MICAL2: variants seen among roughly 807,000 people sequenced by gnomAD.
MICAL2 encodes the protein [F-actin]-monooxygenase MICAL2.
MICAL2 carries 77 observed loss-of-function variants against 127.3 expected under a neutral mutation model. That is an observed-to-expected ratio of 0.60 (90% CI 0.50 to 0.73). The LOEUF (loss-of-function observed/expected upper bound fraction) is 0.73. Ranked by LOEUF, MICAL2 falls within the 30% of genes least tolerant of loss-of-function variation. The pLI is 0.00. For missense variants in MICAL2, 1,351 were observed against 1,434.4 expected, an observed-to-expected ratio of 0.94 and a Z score of 0.94; for synonymous variants, 570 against 551.1, an observed-to-expected ratio of 1.03 and a Z score of -0.48.
At chr11:12,198,129 A>G (rs948407675) in intron 3 of MICAL2, among the ~76,000 whole-genome samples, 2 of 151,930 alleles carry the variant, frequency 1.3e-5, no homozygotes, top group African/African-American at 4.8e-5. Context: ...CACAGCTAGA[A>G]CCTCAGGTGA....
chr11:12,289,553 CTTGTTTTTTTTTGT>C (rs1316116272), downstream of MICAL2, among the ~76,000 whole-genome samples: 1 of 42,078 alleles, frequency 2.4e-5, no homozygotes, highest in Non-Finnish European at 8.0e-5. Flanking sequence ...CTGGGCACCT[CTTGTTTTTTTTTGT>C]TTTTTTTTTT....
intron 1 of MICAL2, among the ~76,000 whole-genome samples, chr11:12,118,974 T>C (rs1850278227): frequency 6.6e-6 from 1 of 152,224 alleles, no homozygotes; most frequent in Non-Finnish European, 1.5e-5. Context: ...GGTGGGTTCC[T>C]GAGCTTTTCT....
chr11:12,260,293 C>A, intron 26 of MICAL2: 1 of 1,426,158 alleles, frequency 7.0e-7, no homozygotes, highest in East Asian at 2.5e-5. Context: ...TAGCTCAAAG[C>A]CAAAGAATTT....
At chr11:12,130,623 G>A (rs1010670049) in intron 1 of MICAL2, among the ~76,000 whole-genome samples, 2 of 152,302 alleles carry the variant, frequency 1.3e-5, no homozygotes, top group South Asian at 4.1e-4. Context: ...GGAATACAAA[G>A]TCCAGCAAGA....
At chr11:12,163,599 C>T (rs932907673) in intron 3 of MICAL2, 3 of 152,288 alleles carry the variant, frequency 2.0e-5, no homozygotes, top group Non-Finnish European at 4.4e-5. Context: ...TTGAAACAGA[C>T]CAGTCGCCTC....
intron 32 of MICAL2, chr11:12,349,768 G>T: frequency 6.9e-7 from 1 of 1,450,296 alleles, no homozygotes; most frequent in Non-Finnish European, 9.7e-7. Flanking sequence ...CTGCTAAAGT[G>T]GCTCAAAGCA....
intron 21 of MICAL2, among the ~76,000 whole-genome samples, chr11:12,247,243 G>T (rs545620266): frequency 2.0e-5 from 3 of 152,292 alleles, no homozygotes; most frequent in South Asian, 2.1e-4. Flanking sequence ...GAGGGCTTTG[G>T]GGTGGCCAAC....
intron 3 of MICAL2, among the ~76,000 whole-genome samples, chr11:12,199,507 C>T (rs909402877): frequency 1.3e-5 from 2 of 152,182 alleles, no homozygotes; most frequent in Non-Finnish European, 2.9e-5. Context: ...TAACCCCTGG[C>T]TTAGCACTTG....
At position 12,242,760 on chromosome 11, in the gene MICAL2, G is replaced by A; in HGVS notation, c.2646G>A (p.Gly882=). 1 of 1,607,166 alleles carries A rather than the reference G, an allele frequency of 6.2e-7. No homozygotes were observed. The highest frequency in any genetic ancestry group is 1.1e-5 in the South Asian group (1 of 89,832). Residue 882 remains glycine, a synonymous_variant, in exon 20 of 28, where the codon GGG becomes GGA. Coordinates refer to ENST00000683283, the MANE Select transcript of MICAL2 (RefSeq NM_001282663.2). ...AAHLASMFGH[G]DFPQNKLLSK... ...ACCTTGCCTCCATGTTTGGACACGG[G>A]GATTTCCCGCAGGTAAACATGGGGC...
intron 32 of MICAL2, among the ~76,000 whole-genome samples, chr11:12,344,913 A>C (rs912565283): frequency 4.0e-5 from 6 of 151,140 alleles, no homozygotes; most frequent in South Asian, 2.1e-4. Context: ...GGAGACCATC[A>C]TGGCTAACAC....
chr11:12,302,903 C>A (rs1864063953), intron 29 of MICAL2, among the ~76,000 whole-genome samples: 12 of 152,144 alleles, frequency 7.9e-5, no homozygotes, highest in Admixed American at 7.9e-4. Context: ...TGAAGAAATA[C>A]CTGAGACTGC....
intron 15 of MICAL2, among the ~76,000 whole-genome samples, chr11:12,231,441 C>A (rs1043626335): frequency 6.6e-6 from 1 of 152,164 alleles, no homozygotes; most frequent in African/African-American, 2.4e-5. Flanking sequence ...CCAGGTCCCC[C>A]TCCCCAACCC....
chr11:12,331,921 T>C (rs1938640433), intron 32 of MICAL2, among the ~76,000 whole-genome samples: 1 of 152,224 alleles, frequency 6.6e-6, no homozygotes, highest in South Asian at 2.1e-4. Context: ...TATTTGTTTG[T>C]TCATCCATTC....
At chr11:12,130,110 C>A (rs1380755726) in intron 1 of MICAL2, among the ~76,000 whole-genome samples, 1 of 152,208 alleles carries the variant, frequency 6.6e-6, no homozygotes. Flanking sequence ...TGGAGTTGCT[C>A]AAATCATCCC....
chr11:12,264,428 C>T (rs1863520579), downstream of MICAL2, among the ~76,000 whole-genome samples: 1 of 152,166 alleles, frequency 6.6e-6, no homozygotes, highest in Non-Finnish European at 1.5e-5. Flanking sequence ...CATGGCAGGC[C>T]CCAGGCAACT....
intron 26 of MICAL2, 82 bp downstream of exon 26, chr11:12,259,979 T>C (rs1862879144): frequency 6.4e-7 from 1 of 1,566,620 alleles, no homozygotes; most frequent in Non-Finnish European, 8.6e-7. Context: ...ATGCAGGGAC[T>C]CCTGCAAGCT....
intron 3 of MICAL2, among the ~76,000 whole-genome samples, chr11:12,186,012 C>G (rs915756325): frequency 1.3e-5 from 2 of 152,240 alleles, no homozygotes; most frequent in Non-Finnish European, 1.5e-5. Context: ...TCTGATGGAG[C>G]CCCAGCTCTG....
chr11:12,279,997 A>G lies in MICAL2; in HGVS notation c.88-936A>G, dbSNP rs553068578. ...ATGTACAGAGAGTGTGTGGATATAT[A>G]TAGTTTCACTAACACATCACTGCTT... is the stretch of plus-strand genomic sequence containing the variant. On this transcript the variant is annotated intron_variant, in intron 1 of 2. Coordinates refer to the MICAL2 transcript ENST00000529028. 2.6e-5 allele frequency among the ~76,000 whole-genome samples: 4 copies of G among 152,314 alleles called. No individual in the cohort carries two copies. In the East Asian group the frequency reaches 5.8e-4, roughly 22 times the overall value.
intron 24 of MICAL2, 89 bp downstream of exon 24, chr11:12,257,060 G>A (rs1031538760): frequency 2.2e-6 from 3 of 1,368,604 alleles, no homozygotes; most frequent in Middle Eastern, 2.6e-4. Context: ...GGTGGCTCTA[G>A]GACACCCAAA....
Sources: allele counts gnomAD v4.1 joint callset (sites outside exome capture counted in the v4.1 genomes callset), GRCh38; gene constraint gnomAD v4.1.1; transcripts MANE v1.5; gene names NCBI Gene and HGNC (gene_info 2026-07-23, HGNC 2026-07-21).